GLIPR1L1: variants seen among roughly 807,000 people sequenced by gnomAD.
The protein encoded by GLIPR1L1 is GLIPR1 like 1.
A neutral mutation model predicts 29.9 loss-of-function variants in GLIPR1L1; 26 were observed. The observed-to-expected ratio is 0.87, with a 90% confidence interval of 0.64 to 1.21. GLIPR1L1 has a LOEUF of 1.21. Among genes scored for constraint, GLIPR1L1 ranks in the 50% most tolerant of loss-of-function variants. The pLI, the probability that GLIPR1L1 is intolerant of heterozygous loss-of-function variation, is 0.00. For synonymous variants in GLIPR1L1, 77 were observed against 97.5 expected (o/e 0.79, Z 1.24); for missense variants, 305 against 290.3 (o/e 1.05, Z -0.37).
At position 75,369,945 on chromosome 12, in the gene GLIPR1L1, T is replaced by A; in HGVS notation, c.611-15T>A. 2 of 1,183,316 alleles carry A rather than the reference T, an allele frequency of 1.7e-6. No individual in the cohort carries two copies. The highest frequency in any genetic ancestry group is 2.6e-5 in the East Asian group (1 of 38,526). 73.3% of individuals were successfully genotyped at this position (1,183,316 alleles called of 1,614,324 possible). ...TTATAACATTTTATAATATTAACTT[T>A]AATTTTTACTTTAGGGACTCCACAA... On this transcript the variant is annotated splice_polypyrimidine_tract_variant and intron_variant, in intron 4 of 5. Coordinates refer to ENST00000378695, the MANE Select transcript of GLIPR1L1 (RefSeq NM_001304964.2).
At chr12:75,358,836 A>T (rs2043340810) in intron 3 of GLIPR1L1, among the ~76,000 whole-genome samples, 1 of 144,168 alleles carries the variant, frequency 6.9e-6, no homozygotes, top group Non-Finnish European at 1.5e-5. Context: ...AATATATAAC[A>T]ATATATAATA....
chr12:75,367,514 CGTCGTGT>C (rs2044058140), intron 4 of GLIPR1L1, among the ~76,000 whole-genome samples: 2 of 151,886 alleles, frequency 1.3e-5, no homozygotes, highest in Admixed American at 1.3e-4. Context: ...TCCATCTCCA[CGTCGTGT>C]ACCACAGGAA....
intron 4 of GLIPR1L1, among the ~76,000 whole-genome samples, chr12:75,367,954 TA>T (rs1055238636): frequency 2.0e-5 from 3 of 152,160 alleles, no homozygotes; most frequent in African/African-American, 7.2e-5. Flanking sequence ...AGCCAGGTTA[TA>T]AAAGTTTTCT....
chr12:75,342,079 C>T lies in GLIPR1L1; in HGVS notation c.175-1614C>T, dbSNP rs572671170. On this transcript the variant is annotated intron_variant, in intron 1 of 5. Coordinates refer to ENST00000378695, the MANE Select transcript of GLIPR1L1 (RefSeq NM_001304964.2). ...CAACATTCTTGAAATAACAAAATTA[C>T]AGAACTGAAGAACAGATTGGTGATC... Among the ~76,000 whole-genome samples the T allele has an allele frequency of 1.5e-3, 228 of 152,188 alleles. 2 individuals carry two copies. Among genetic ancestry groups the T allele is most frequent in the Middle Eastern group, 3.4e-3 (1 of 294 alleles).
chr12:75,354,649 C>G (rs772094544), intron 3 of GLIPR1L1, among the ~76,000 whole-genome samples: 2 of 151,892 alleles, frequency 1.3e-5, no homozygotes, highest in African/African-American at 2.4e-5. Flanking sequence ...CATATGGAAC[C>G]AAAAAAGGGT....
rs773394891 is a variant in GLIPR1L1, at chr12:75,334,777, T to C, written c.49T>C (p.Leu17=). 1.5e-5 allele frequency: 25 copies of C among 1,614,138 alleles called. No individual in the cohort carries two copies. In the East Asian group the frequency reaches 4.0e-4, roughly 26 times the overall value. ...FSCLWILGLC[L]VATTSSKIPS... ...TTGTTTATGGATCTTGGGTCTGTGT[T>C]TGGTAGCCACTACATCTTCCAAAAT... The change falls in exon 1 of 6, where the codon TTG becomes CTG. Residue 17 remains leucine, a synonymous_variant. Coordinates refer to ENST00000378695, the MANE Select transcript of GLIPR1L1 (RefSeq NM_001304964.2).
intron 3 of GLIPR1L1, among the ~76,000 whole-genome samples, chr12:75,354,590 TA>T (rs2043029521): frequency 1.3e-5 from 2 of 151,962 alleles, no homozygotes; most frequent in African/African-American, 4.8e-5. Flanking sequence ...CTATTCCCAT[TA>T]AACTCATTGA....
At chr12:75,345,795 C>T (rs947133801) in intron 2 of GLIPR1L1, among the ~76,000 whole-genome samples, 1 of 152,144 alleles carries the variant, frequency 6.6e-6, no homozygotes, top group Non-Finnish European at 1.5e-5. Flanking sequence ...TTTGTCTTCT[C>T]TTTTGCTGTA....
chr12:75,366,685 AG>A, intron 4 of GLIPR1L1: 1 of 508,646 alleles, frequency 2.0e-6, no homozygotes, highest in Non-Finnish European at 3.5e-6. Context: ...GCTGTGGCCT[AG>A]GGTTTTTTTG....
chr12:75,365,686 C>T (rs769465055), intron 4 of GLIPR1L1, among the ~76,000 whole-genome samples: 1 of 151,912 alleles, frequency 6.6e-6, no homozygotes, highest in Non-Finnish European at 1.5e-5. Flanking sequence ...TTACATTTAC[C>T]TCATTATTTA....
chr12:75,364,291 A>T (rs2043817765), intron 4 of GLIPR1L1, among the ~76,000 whole-genome samples: 1 of 152,204 alleles, frequency 6.6e-6, no homozygotes, highest in South Asian at 2.1e-4. Flanking sequence ...ACCTTGCCAA[A>T]AGTAGAGGTC....
At chr12:75,343,376 A>G (rs1244958401) in intron 1 of GLIPR1L1, among the ~76,000 whole-genome samples, 1 of 151,954 alleles carries the variant, frequency 6.6e-6, no homozygotes, top group Non-Finnish European at 1.5e-5. Flanking sequence ...AATTAACATG[A>G]CCTTCTGAAT....
chr12:75,355,637 CA>C (rs1450004544), intron 3 of GLIPR1L1, among the ~76,000 whole-genome samples: 1 of 152,060 alleles, frequency 6.6e-6, no homozygotes, highest in Non-Finnish European at 1.5e-5. Context: ...GGTATATACC[CA>C]AAAAATATAA....
intron 4 of GLIPR1L1, among the ~76,000 whole-genome samples, chr12:75,367,169 G>A (rs886265677): frequency 4.0e-5 from 6 of 151,550 alleles, no homozygotes; most frequent in East Asian, 3.9e-4. Flanking sequence ...CCCAAAAGGC[G>A]GGGGGTTCTC....
At chr12:75,364,638 T>A (rs1041799518) in intron 4 of GLIPR1L1, among the ~76,000 whole-genome samples, 1 of 152,230 alleles carries the variant, frequency 6.6e-6, no homozygotes. Flanking sequence ...TTAACTTATC[T>A]TTAACTTCTA....
intron 3 of GLIPR1L1, among the ~76,000 whole-genome samples, chr12:75,350,487 G>A (rs1370756391): frequency 6.6e-6 from 1 of 152,170 alleles, no homozygotes; most frequent in African/African-American, 2.4e-5. Flanking sequence ...AATGCCCAGT[G>A]GAAAGATCAG....
At chr12:75,353,515 C>G (rs1352245217) in intron 3 of GLIPR1L1, among the ~76,000 whole-genome samples, 1 of 152,082 alleles carries the variant, frequency 6.6e-6, no homozygotes. Context: ...AGCCTATCAA[C>G]CAAAAACAGC....
In GLIPR1L1 at chr12:75,369,972, T is replaced by C; in HGVS notation, c.623T>C (p.Leu208Pro). 9.3e-7 allele frequency: 1 copy of C among 1,073,204 alleles called. No homozygotes were observed. The highest frequency in any genetic ancestry group is 1.6e-5 in the South Asian group (1 of 64,294). 66.5% of individuals were successfully genotyped at this position (1,073,204 alleles called of 1,614,324 possible). A position where few individuals can be genotyped will look rare whatever the true frequency, so the allele number is the denominator to read the frequency against. Reference sequence around the variant, plus strand: ...ATTTTTACTTTAGGGACTCCACAACTTATTATACCTAACCGTATGTATCAA... The same window carrying C: ...ATTTTTACTTTAGGGACTCCACAACCTATTATACCTAACCGTATGTATCAA... Reference protein sequence around the residue: ...CVKNLCRTPQLIIPNQNPFLK... With the variant: ...CVKNLCRTPQPIIPNQNPFLK... Residue 208 changes from leucine (L) to proline (P), a missense_variant, in exon 5 of 6, where the codon CTT becomes CCT. Transcript: ENST00000378695.
At position 75,335,880 on chromosome 12, in the gene GLIPR1L1, T is replaced by C. The variant is rs536013623; in HGVS notation, c.174+978T>C. Reference sequence around the variant, plus strand: ...CGGAATTCAGAAATACTAATATTAGTATTAATATGGTTGATGCCTTTAGAG... The same window carrying C: ...CGGAATTCAGAAATACTAATATTAGCATTAATATGGTTGATGCCTTTAGAG... On this transcript the variant is annotated intron_variant, in intron 1 of 5. Coordinates refer to ENST00000378695, the MANE Select transcript of GLIPR1L1 (RefSeq NM_001304964.2). 3.9e-5 allele frequency among the ~76,000 whole-genome samples: 6 copies of C among 152,124 alleles called. No homozygotes were observed. In the East Asian group the frequency reaches 9.6e-4, roughly 24 times the overall value.
Sources: gnomAD v4.1 joint callset for allele counts (sites outside exome capture counted in the v4.1 genomes callset) on GRCh38, gnomAD v4.1.1 for gene constraint, MANE v1.5 for transcripts, NCBI Gene and HGNC (gene_info 2026-07-23, HGNC 2026-07-21) for gene names.